NDUFA5: variants seen among roughly 807,000 people sequenced by gnomAD.
NDUFA5 encodes the protein NADH dehydrogenase [ubiquinone] 1 alpha subcomplex subunit 5.
NDUFA5 carries 11 observed loss-of-function variants against 19.8 expected under a neutral mutation model. The ratio of observed to expected loss-of-function variants is 0.56; its 90% CI spans 0.35 to 0.92. The LOEUF (loss-of-function observed/expected upper bound fraction) is 0.92, where lower values mean the gene tolerates loss of function less well. Among genes scored for constraint, NDUFA5 ranks in the 40% least tolerant of loss-of-function variants. NDUFA5 has a pLI of 0.01. For missense variants in NDUFA5, 109 were observed against 134.2 expected (o/e 0.81, Z 0.93); for synonymous variants, 47 against 46.8 (o/e 1.00, Z -0.01).
the NDUFA5 span, among the ~76,000 whole-genome samples, chr7:123,593,906 T>A: frequency 6.6e-6 from 1 of 152,230 alleles, no homozygotes; most frequent in Non-Finnish European, 1.5e-5. Context: ...CCCGTCACTT[T>A]CAGGTACACC....
rs1045997478 is a variant in NDUFA5 at position 123,542,035 on chromosome 7, T to C, written c.*84A>G. 9.9e-6 allele frequency: 9 copies of C among 909,916 alleles called. No homozygotes were observed. The highest frequency in any genetic ancestry group is 1.9e-5 in the South Asian group (1 of 52,290). 56.4% of individuals were successfully genotyped at this position (909,916 alleles called of 1,614,324 possible). ...TATATCACTTTTCTTGATTACAAAA[T>C]GTCAGTAATAAGAACACGCTCTTAA... On this transcript the variant is annotated 3_prime_UTR_variant, in exon 5 of 5. Coordinates refer to ENST00000355749, the MANE Select transcript of NDUFA5 (RefSeq NM_005000.5).
At chr7:123,559,857 CAAAAAAAA>C (rs201033454), upstream of NDUFA5, among the ~76,000 whole-genome samples, 6 of 46,508 alleles carry the variant, frequency 1.3e-4, no homozygotes, top group Admixed American at 2.3e-4. Flanking sequence ...TTCCGTCTCA[CAAAAAAAA>C]AAAAAAAAAA....
the NDUFA5 span, among the ~76,000 whole-genome samples, chr7:123,581,533 G>T: frequency 6.6e-6 from 1 of 150,834 alleles, no homozygotes; most frequent in Non-Finnish European, 1.5e-5. Context: ...CATCTTTTTT[G>T]ATGTGTCATG....
At chr7:123,543,722 A>T (rs745337356) in intron 4 of NDUFA5, among the ~76,000 whole-genome samples, 9 of 152,228 alleles carry the variant, frequency 5.9e-5, no homozygotes, top group Non-Finnish European at 1.0e-4. Context: ...TTGATGTATC[A>T]ACTAAATAAA....
chr7:123,560,030 T>C (rs1798669594), upstream of NDUFA5, among the ~76,000 whole-genome samples: 2 of 151,894 alleles, frequency 1.3e-5, no homozygotes, highest in Non-Finnish European at 2.9e-5. Context: ...ACAAAGTTGG[T>C]TTAACATCCC....
chr7:123,585,677 A>G, the NDUFA5 span, among the ~76,000 whole-genome samples: 11 of 151,508 alleles, frequency 7.3e-5, no homozygotes, highest in African/African-American at 2.4e-4. Flanking sequence ...AGAACAATTA[A>G]GCAAACTCTC....
chr7:123,553,526 A>AAG (rs773210845), intron 2 of NDUFA5, among the ~76,000 whole-genome samples: 1 of 152,242 alleles, frequency 6.6e-6, no homozygotes, highest in Non-Finnish European at 1.5e-5. Flanking sequence ...GACAGAGCTA[A>AAG]ACCATATCAC....
chr7:123,595,822 A>C, the NDUFA5 span, among the ~76,000 whole-genome samples: 3 of 152,172 alleles, frequency 2.0e-5, no homozygotes, highest in African/African-American at 7.2e-5. Flanking sequence ...ATTTGTCTAC[A>C]CTGTGGGTGA....
At chr7:123,566,555 C>A in the NDUFA5 span, among the ~76,000 whole-genome samples, 1 of 152,080 alleles carries the variant, frequency 6.6e-6, no homozygotes, top group African/African-American at 2.4e-5. Context: ...AGGCCTTTAC[C>A]AAATTACCAT....
At chr7:123,565,790 G>A in the NDUFA5 span, among the ~76,000 whole-genome samples, 3 of 152,212 alleles carry the variant, frequency 2.0e-5, no homozygotes, top group Non-Finnish European at 4.4e-5. Context: ...GCCAAGGCGG[G>A]TGGATTTCCT....
chr7:123,557,271 G>T, intron 2 of NDUFA5, 133 bp downstream of exon 2: 1 of 1,274,424 alleles, frequency 7.8e-7, no homozygotes, highest in Non-Finnish European at 1.1e-6. Context: ...CAGCGCCCGT[G>T]TCTCAAGAGC....
At position 123,542,146 on chromosome 7, in the gene NDUFA5, A is replaced by G. The variant is rs1797963275; in HGVS notation, c.324T>C (p.Pro108=). 5 of 1,611,638 alleles carry G rather than the reference A, an allele frequency of 3.1e-6. No homozygotes were observed. Among genetic ancestry groups the G allele is most frequent in the African/African-American group, 1.3e-5 (1 of 74,820 alleles). The change falls in exon 5 of 5, where the codon CCT becomes CCC. Residue 108 remains proline, a synonymous_variant. Coordinates refer to ENST00000355749, the MANE Select transcript of NDUFA5 (RefSeq NM_005000.5). ...ATATTGGCCATTTCCACTGATCGGCAGGAGGCTCTTCCACTAATGGCTCCC... is the reference window on the plus strand; with the variant it reads ...ATATTGGCCATTTCCACTGATCGGCGGGAGGCTCTTCCACTAATGGCTCCC... ...KLWEPLVEEP[P]ADQWKWPI
upstream of NDUFA5, among the ~76,000 whole-genome samples, chr7:123,559,255 A>C (rs1192361480): frequency 1.3e-5 from 2 of 151,936 alleles, no homozygotes; most frequent in African/African-American, 4.8e-5. Flanking sequence ...AATCAACTCA[A>C]GAAGGCATAA....
the NDUFA5 span, among the ~76,000 whole-genome samples, chr7:123,592,404 T>C: frequency 5.9e-5 from 9 of 152,356 alleles, no homozygotes; most frequent in East Asian, 1.7e-3. Context: ...TCTTTCCTGC[T>C]TTCTCTTGTG....
rs778011612 is a variant in NDUFA5, at chr7:123,550,586, T to A, written c.67A>T (p.Arg23Trp). The A allele has an allele frequency of 5.1e-5, 79 of 1,563,500 alleles. No individual in the cohort carries two copies. The highest frequency in any genetic ancestry group is 6.5e-5 in the Non-Finnish European group (74 of 1,139,726). ...ATCTTTGTGTACAATATTCTTAGCC[T>A]CTGAAAAGACAAACCATACAAATTT... ...GLAVCNTPHE[R>W]LRILYTKILD... Residue 23 changes from arginine to tryptophan, a missense_variant and splice_region_variant, in exon 3 of 5, where the codon AGG becomes TGG. Coordinates refer to ENST00000355749, the MANE Select transcript of NDUFA5 (RefSeq NM_005000.5).
the NDUFA5 span, among the ~76,000 whole-genome samples, chr7:123,596,199 G>A: frequency 2.0e-4 from 31 of 152,182 alleles, no homozygotes; most frequent in Non-Finnish European, 4.0e-4. Context: ...GGCAAATCAT[G>A]AGACCATTAA....
intron 2 of NDUFA5, among the ~76,000 whole-genome samples, chr7:123,553,384 C>T (rs1014878645): frequency 3.9e-5 from 6 of 152,122 alleles, no homozygotes; most frequent in Admixed American, 6.5e-5. Context: ...TCAGATCTCA[C>T]GAGACTTCTT....
chr7:123,571,139 T>A, the NDUFA5 span, among the ~76,000 whole-genome samples: 3 of 152,322 alleles, frequency 2.0e-5, no homozygotes, highest in African/African-American at 7.2e-5. Flanking sequence ...AAATTTACCA[T>A]AAAAACAAAT....
the NDUFA5 span, among the ~76,000 whole-genome samples, chr7:123,591,230 T>A: frequency 1.3e-5 from 2 of 152,202 alleles, no homozygotes; most frequent in African/African-American, 4.8e-5. Flanking sequence ...AAATATAAAA[T>A]CATGTCATCT....
Sources: gnomAD v4.1 joint callset for allele counts (sites outside exome capture counted in the v4.1 genomes callset) on GRCh38, gnomAD v4.1.1 for gene constraint, MANE v1.5 for transcripts, NCBI Gene and HGNC (gene_info 2026-07-23, HGNC 2026-07-21) for gene names.